The following SLC16A12 variants were observed in gnomAD, a reference collection of about 807,000 sequenced individuals.
The protein encoded by SLC16A12 is monocarboxylate transporter 12.
Under a neutral mutation model 42.4 loss-of-function variants are expected in SLC16A12, and 17 were observed. That is an observed-to-expected ratio of 0.40 (90% CI 0.27 to 0.60). SLC16A12 has a LOEUF of 0.60. Among genes scored for constraint, SLC16A12 ranks in the 20% least tolerant of loss-of-function variants. The probability of loss-of-function intolerance (pLI) is 0.42; values close to 1 mark genes in which losing one functional copy is unlikely to be tolerated. For missense variants in SLC16A12, 544 were observed against 623.0 expected, an observed-to-expected ratio of 0.87 and a Z score of 1.35; for synonymous variants, 224 against 229.4, an observed-to-expected ratio of 0.98 and a Z score of 0.21.
At chr10:89,540,201 A>G (rs187957503), upstream of SLC16A12, among the ~76,000 whole-genome samples, 137 of 151,906 alleles carry the variant, frequency 9.0e-4, no homozygotes, top group Non-Finnish European at 1.4e-3. Flanking sequence ...TAGGTTCAAG[A>G]GATCCTCCCA....
chr10:89,551,051 G>A (rs1317289581), intron 2 of SLC16A12, among the ~76,000 whole-genome samples: 1 of 152,220 alleles, frequency 6.6e-6, no homozygotes, highest in Admixed American at 6.5e-5. Context: ...AGTCCATGAT[G>A]TAATCAAGTT....
At chr10:89,520,875 G>A (rs1037652978) in intron 2 of SLC16A12, among the ~76,000 whole-genome samples, 1 of 152,124 alleles carries the variant, frequency 6.6e-6, no homozygotes, top group Non-Finnish European at 1.5e-5. Flanking sequence ...ATCATTGCTT[G>A]TTATGTATTT....
chr10:89,489,201 G>A (rs1027973351), intron 2 of SLC16A12, among the ~76,000 whole-genome samples: 4 of 152,108 alleles, frequency 2.6e-5, no homozygotes, highest in Admixed American at 6.5e-5. Flanking sequence ...CAATTTGGTC[G>A]TGAATATCAC....
chr10:89,513,574 T>C (rs531091596), intron 2 of SLC16A12, among the ~76,000 whole-genome samples: 8 of 152,232 alleles, frequency 5.3e-5, no homozygotes, highest in Non-Finnish European at 8.8e-5. Context: ...ATATAATGAT[T>C]AATACTTAAT....
At chr10:89,552,868 G>T (rs1843779900) in intron 2 of SLC16A12, among the ~76,000 whole-genome samples, 1 of 152,166 alleles carries the variant, frequency 6.6e-6, no homozygotes, top group Non-Finnish European at 1.5e-5. Flanking sequence ...AACAATCAAA[G>T]AAATGGTACT....
chr10:89,542,968 T>G (rs1217930663), intron 2 of SLC16A12, among the ~76,000 whole-genome samples: 1 of 152,172 alleles, frequency 6.6e-6, no homozygotes, highest in Non-Finnish European at 1.5e-5. Context: ...CTACCCCTGT[T>G]CTTTCACCCA....
chr10:89,459,516 A>ATGTGTGTGTGTGTGTGTGTGTGTG lies in SLC16A12; in HGVS notation c.200+2862_200+2863insCACACACACACACACACACACACA, dbSNP rs58259835. Reference sequence around the variant, plus strand: ...AAAGGGCATAGCGGTTTCTGTGTTTATGTGTGTGTGTGTGTGTGTGTATGT... The same window carrying ATGTGTGTGTGTGTGTGTGTGTGTG: ...AAAGGGCATAGCGGTTTCTGTGTTTATGTGTGTGTGTGTGTGTGTGTGTGTGTGTGTGTGTGTGTGTGTGTATGT... On this transcript the variant is annotated intron_variant, in intron 3 of 7. Coordinates refer to ENST00000371790, the MANE Select transcript of SLC16A12 (RefSeq NM_213606.4). Among the ~76,000 whole-genome samples, 266 of 149,738 alleles carry ATGTGTGTGTGTGTGTGTGTGTGTG rather than the reference A, an allele frequency of 1.8e-3. 3 individuals carry two copies. In the East Asian group the frequency reaches 0.028, roughly 16 times the overall value.
chr10:89,525,543 C>T (rs537655753), intron 2 of SLC16A12, among the ~76,000 whole-genome samples: 1 of 152,266 alleles, frequency 6.6e-6, no homozygotes, highest in Non-Finnish European at 1.5e-5. Flanking sequence ...GATAAAATGA[C>T]GAGTCCCTTA....
chr10:89,546,755 T>C (rs1186201456), intron 2 of SLC16A12, among the ~76,000 whole-genome samples: 1 of 152,136 alleles, frequency 6.6e-6, no homozygotes, highest in Non-Finnish European at 1.5e-5. Context: ...GCAGCACTAT[T>C]TACAATAGCA....
intron 2 of SLC16A12, among the ~76,000 whole-genome samples, chr10:89,508,467 C>T (rs896306108): frequency 1.3e-5 from 2 of 152,174 alleles, no homozygotes; most frequent in African/African-American, 4.8e-5. Flanking sequence ...CAACCTGCTC[C>T]TGAATGACTA....
At chr10:89,505,472 T>C (rs1238079625) in intron 2 of SLC16A12, among the ~76,000 whole-genome samples, 2 of 151,862 alleles carry the variant, frequency 1.3e-5, no homozygotes, top group Admixed American at 1.3e-4. Context: ...GATGGCTGAA[T>C]AGGAACAGCT....
At chr10:89,513,409 C>G (rs1289562794) in intron 2 of SLC16A12, among the ~76,000 whole-genome samples, 1 of 152,202 alleles carries the variant, frequency 6.6e-6, no homozygotes, top group Non-Finnish European at 1.5e-5. Context: ...TGTGACATAT[C>G]AGGTCACACT....
intron 2 of SLC16A12, among the ~76,000 whole-genome samples, chr10:89,490,812 C>G (rs936758721): frequency 6.6e-6 from 1 of 152,162 alleles, no homozygotes; most frequent in Non-Finnish European, 1.5e-5. Context: ...GTAGTGGGAG[C>G]AGTTGCTGAA....
In SLC16A12 at chr10:89,431,227, G is replaced by A. The variant is rs984697161; in HGVS notation, c.*1837C>T. 1 of 155,418 alleles carries A rather than the reference G, an allele frequency of 6.4e-6. No individual in the cohort carries two copies. The highest frequency in any genetic ancestry group is 1.4e-5 in the Non-Finnish European group (1 of 70,466). 9.6% of individuals were successfully genotyped at this position (155,418 alleles called of 1,614,324 possible). A position where few individuals can be genotyped will look rare whatever the true frequency, so the allele number is the denominator to read the frequency against. On this transcript the variant is annotated 3_prime_UTR_variant, in exon 8 of 8. Transcript: ENST00000371790. ...TTAGCCAGGATGGTCTTGATCTCCT[G>A]ACCTCATGATCCACCCGCCTCAGCC...
intron 2 of SLC16A12, among the ~76,000 whole-genome samples, chr10:89,479,537 T>C (rs1477425787): frequency 6.6e-6 from 1 of 152,202 alleles, no homozygotes; most frequent in East Asian, 1.9e-4. Context: ...GCCTTTAGGG[T>C]GGCATTTTGA....
At chr10:89,484,514 ACAC>A (rs1282888451) in intron 2 of SLC16A12, among the ~76,000 whole-genome samples, 1 of 152,190 alleles carries the variant, frequency 6.6e-6, no homozygotes, top group Non-Finnish European at 1.5e-5. Flanking sequence ...AGTGAGTAAT[ACAC>A]AAGTGATAAT....
chr10:89,498,407 A>G (rs1464228152), intron 2 of SLC16A12, among the ~76,000 whole-genome samples: 1 of 152,240 alleles, frequency 6.6e-6, no homozygotes, highest in Non-Finnish European at 1.5e-5. Context: ...TTCCCTGTTT[A>G]TGTACAATTG....
intron 2 of SLC16A12, among the ~76,000 whole-genome samples, chr10:89,521,824 T>A (rs1221931095): frequency 6.6e-6 from 1 of 152,230 alleles, no homozygotes; most frequent in Non-Finnish European, 1.5e-5. Context: ...ATACTTCGAG[T>A]TATTTTTCAA....
chr10:89,466,293 G>A (rs563544712), intron 2 of SLC16A12, among the ~76,000 whole-genome samples: 2 of 152,244 alleles, frequency 1.3e-5, no homozygotes, highest in Admixed American at 1.3e-4. Flanking sequence ...TATTTATTGA[G>A]TGTCCAATAT....
Sources: allele counts gnomAD v4.1 joint callset (sites outside exome capture counted in the v4.1 genomes callset), GRCh38; gene constraint gnomAD v4.1.1; transcripts MANE v1.5; gene names NCBI Gene and HGNC (gene_info 2026-07-23, HGNC 2026-07-21).